DLGAP1: variants seen among roughly 807,000 people sequenced by gnomAD.
DLGAP1 encodes the protein DLG associated protein 1.
A neutral mutation model predicts 90.8 loss-of-function variants in DLGAP1; 11 were observed. The observed-to-expected ratio is 0.12, with a 90% CI of 0.08 to 0.20. DLGAP1 has a LOEUF of 0.20. DLGAP1 is among the 10% of genes least tolerant of loss of function. The probability of loss-of-function intolerance (pLI) is 1.00; values close to 1 mark genes in which losing one functional copy is unlikely to be tolerated. For synonymous variants in DLGAP1, 558 were observed against 540.7 expected (o/e 1.03, Z -0.44); for missense variants, 1,050 against 1,333.8 (o/e 0.79, Z 3.31).
intron 7 of DLGAP1, among the ~76,000 whole-genome samples, chr18:3,605,233 T>A (rs956867569): frequency 2.0e-5 from 3 of 152,214 alleles, no homozygotes; most frequent in Non-Finnish European, 4.4e-5. Flanking sequence ...TTAGGGATAT[T>A]CTTTCCTCTG....
chr18:3,978,192 C>T (rs113553266), intron 3 of DLGAP1: 23 of 421,870 alleles, frequency 5.5e-5, no homozygotes, highest in South Asian at 2.0e-4. Context: ...GAGGCGTTGC[C>T]GATGATCTTG....
At chr18:3,916,282 T>G (rs2072142141) in intron 3 of DLGAP1, among the ~76,000 whole-genome samples, 1 of 152,168 alleles carries the variant, frequency 6.6e-6, no homozygotes, top group South Asian at 2.1e-4. Flanking sequence ...GAGCAGCATA[T>G]GGACGGCTTG....
chr18:4,381,880 C>T (rs116416790), intron 1 of DLGAP1, among the ~76,000 whole-genome samples: 1,903 of 152,224 alleles, frequency 0.013, 41 homozygotes, highest in African/African-American at 0.042. Context: ...CACAGTTCCA[C>T]GTGGCTGGGG....
At chr18:4,187,560 A>C (rs2077319721) in intron 1 of DLGAP1, among the ~76,000 whole-genome samples, 1 of 152,198 alleles carries the variant, frequency 6.6e-6, no homozygotes, top group Admixed American at 6.5e-5. Context: ...CAAATTTATA[A>C]ATTCAGTTAG....
intron 8 of DLGAP1, among the ~76,000 whole-genome samples, chr18:3,569,903 A>T (rs913632869): frequency 2.6e-5 from 4 of 152,074 alleles, no homozygotes; most frequent in Non-Finnish European, 5.9e-5. Flanking sequence ...AATAGTGATC[A>T]TAAGATTATA....
chr18:3,507,850 C>T (rs1049306416), intron 11 of DLGAP1, among the ~76,000 whole-genome samples: 1 of 146,752 alleles, frequency 6.8e-6, no homozygotes, highest in Non-Finnish European at 1.5e-5. Context: ...GATTCTCCTG[C>T]CTCAGCCTCC....
intron 1 of DLGAP1, among the ~76,000 whole-genome samples, chr18:4,249,422 G>A (rs772972158): frequency 2.2e-4 from 31 of 143,426 alleles, no homozygotes; most frequent in Admixed American, 3.6e-4. Context: ...GCAAGTTAAT[G>A]GCCTGACATG....
intron 3 of DLGAP1, among the ~76,000 whole-genome samples, chr18:3,990,628 TATAATA>T (rs77930009): frequency 0.027 from 3,805 of 143,204 alleles, 73 homozygotes; most frequent in African/African-American, 0.034. Flanking sequence ...AAACTTAAAA[TATAATA>T]ATAATAATAA....
At chr18:4,333,713 G>GT (rs2143759071) in intron 1 of DLGAP1, among the ~76,000 whole-genome samples, 1 of 148,222 alleles carries the variant, frequency 6.7e-6, no homozygotes, top group African/African-American at 2.5e-5. Context: ...TCCACCTCCC[G>GT]GGTTCACACC....
At chr18:4,244,129 G>C (rs1394443401) in intron 1 of DLGAP1, among the ~76,000 whole-genome samples, 1 of 151,806 alleles carries the variant, frequency 6.6e-6, no homozygotes, top group African/African-American at 2.4e-5. Context: ...CTAATACATA[G>C]TCCATTCTAT....
intron 2 of DLGAP1, among the ~76,000 whole-genome samples, chr18:4,150,739 T>C (rs934978691): frequency 6.6e-6 from 1 of 152,250 alleles, no homozygotes; most frequent in African/African-American, 2.4e-5. Flanking sequence ...CTGCCTTTCA[T>C]TGCCTTTCTT....
intron 7 of DLGAP1, among the ~76,000 whole-genome samples, chr18:3,586,607 T>C (rs1467979586): frequency 1.3e-5 from 2 of 152,098 alleles, no homozygotes; most frequent in Non-Finnish European, 2.9e-5. Context: ...AACGGGCGCA[T>C]GCCACCATGC....
chr18:3,692,138 T>C (rs1459357256), intron 7 of DLGAP1, among the ~76,000 whole-genome samples: 2 of 152,156 alleles, frequency 1.3e-5, no homozygotes, highest in Non-Finnish European at 2.9e-5. Flanking sequence ...TAACATATCC[T>C]CAGAACAATA....
At chr18:3,570,715 G>T (rs1408943746) in intron 8 of DLGAP1, among the ~76,000 whole-genome samples, 2 of 151,764 alleles carry the variant, frequency 1.3e-5, no homozygotes, top group African/African-American at 4.8e-5. Context: ...GATCGCTTGA[G>T]CCCAAGAGTT....
intron 3 of DLGAP1, among the ~76,000 whole-genome samples, chr18:3,955,080 G>A (rs56913395): frequency 0.079 from 12,034 of 152,092 alleles, 1,327 homozygotes; most frequent in African/African-American, 0.25. Flanking sequence ...CGGGGGGGAA[G>A]GAACATCAGA....
intron 11 of DLGAP1, among the ~76,000 whole-genome samples, chr18:3,507,736 G>GTT (rs386386884): frequency 0.62 from 55,466 of 90,128 alleles, 16,609 homozygotes; most frequent in Admixed American, 0.66. Context: ...ATTCTTGAAG[G>GTT]TTTTTTTTTT....
chr18:3,726,950 C>G (rs1224762458), intron 7 of DLGAP1, among the ~76,000 whole-genome samples: 3 of 152,158 alleles, frequency 2.0e-5, no homozygotes, highest in Non-Finnish European at 4.4e-5. Context: ...TGGGTGTTTT[C>G]CCACATAGCA....
At chr18:4,021,597 CTTTCTTTT>C (rs998190041) in intron 2 of DLGAP1, among the ~76,000 whole-genome samples, 3 of 151,960 alleles carry the variant, frequency 2.0e-5, no homozygotes, top group Non-Finnish European at 4.4e-5. Context: ...TTTTCTTTTT[CTTTCTTTT>C]TTTCTTTTTT....
chr18:4,423,051 C>A (rs1256079817), intron 1 of DLGAP1, among the ~76,000 whole-genome samples: 1 of 152,104 alleles, frequency 6.6e-6, no homozygotes. Context: ...ATATACCTCA[C>A]AAAATAATGA....
Sources: allele counts gnomAD v4.1 joint callset (sites outside exome capture counted in the v4.1 genomes callset), GRCh38; gene constraint gnomAD v4.1.1; transcripts MANE v1.5; gene names NCBI Gene and HGNC (gene_info 2026-07-23, HGNC 2026-07-21).